UBE2G2: variants seen among roughly 807,000 people sequenced by gnomAD.
The protein encoded by UBE2G2 is ubiquitin conjugating enzyme E2 G2, also known as ubiquitin-conjugating enzyme E2 G2.
UBE2G2 carries 10 observed loss-of-function variants against 23.0 expected under a neutral mutation model. That is an observed-to-expected ratio of 0.43 (90% CI 0.27 to 0.74). The LOEUF (loss-of-function observed/expected upper bound fraction) is 0.74, where lower values mean the gene tolerates loss of function less well. Ranked by LOEUF, UBE2G2 falls within the 30% of genes least tolerant of loss-of-function variation. The pLI, the probability that UBE2G2 is intolerant of heterozygous loss-of-function variation, is 0.19. For synonymous variants in UBE2G2, 86 were observed against 81.3 expected (o/e 1.06, Z -0.31); for missense variants, 150 against 218.3 (o/e 0.69, Z 1.97).
chr21:44,774,503 C>T, intron 4 of UBE2G2: 1 of 238,472 alleles, frequency 4.2e-6, no homozygotes, highest in Non-Finnish European at 8.5e-6. Context: ...ATTTATTTAA[C>T]TCACCTGAGT....
intron 3 of UBE2G2, among the ~76,000 whole-genome samples, chr21:44,779,676 A>G (rs1195226174): frequency 1.3e-5 from 2 of 152,208 alleles, no homozygotes; most frequent in African/African-American, 2.4e-5. Context: ...GGCCACCCCG[A>G]GCCTCCTGTC....
rs1418565442 is a variant in UBE2G2 at position 44,773,740 on chromosome 21, G to A, written c.245-53C>T. 29 of 1,588,594 alleles carry A rather than the reference G, an allele frequency of 1.8e-5. No individual in the cohort carries two copies. In the African/African-American group the frequency reaches 2.1e-4, roughly 12 times the overall value. On this transcript the variant is annotated intron_variant, in intron 4 of 5. Coordinates refer to ENST00000345496, the MANE Select transcript of UBE2G2 (RefSeq NM_003343.6). ...GCCCAGGAATGGTGCCCGAGGCATC[G>A]CCGCGCTTGGGCAGGCTCCACAGAT...
intron 3 of UBE2G2, among the ~76,000 whole-genome samples, chr21:44,782,941 A>AT (rs2082967836): frequency 6.6e-6 from 1 of 152,266 alleles, no homozygotes; most frequent in Admixed American, 6.5e-5. Flanking sequence ...CTTCATCAAA[A>AT]TTAACAACTT....
rs550950990 is a variant in UBE2G2 at position 44,801,177 on chromosome 21, G to A, written c.43+529C>T. The A allele has an allele frequency of 2.3e-5, 6 of 255,456 alleles. No homozygotes were observed. The East Asian group carries it at 8.9e-4, about 38-fold the overall frequency. The allele number at this position is 255,456 out of a possible 1,614,324, so 15.8% of individuals were successfully genotyped here. On this transcript the variant is annotated intron_variant, in intron 1 of 5. Transcript: ENST00000345496. ...AGACATTAGAAATATCTAATTTACC[G>A]GGTAGGAAAGCACTCAAGAGGTTTC...
chr21:44,790,283 G>A (rs782674011), intron 1 of UBE2G2, among the ~76,000 whole-genome samples: 22 of 152,218 alleles, frequency 1.4e-4, no homozygotes, highest in Middle Eastern at 3.2e-3. Context: ...CTTTGGGAAA[G>A]AAGTTTGACC....
At chr21:44,800,580 G>A (rs1196543720) in intron 1 of UBE2G2, 29 of 152,132 alleles carry the variant, frequency 1.9e-4, no homozygotes. Flanking sequence ...GAGGATTCTG[G>A]TATCTGCAGC....
intron 3 of UBE2G2, among the ~76,000 whole-genome samples, chr21:44,787,616 G>C (rs1555962292): frequency 6.6e-6 from 1 of 152,152 alleles, no homozygotes; most frequent in African/African-American, 2.4e-5. Context: ...GCCATTTGAG[G>C]TTATTTTAAC....
chr21:44,784,353 C>T (rs782125231), intron 3 of UBE2G2, among the ~76,000 whole-genome samples: 5 of 152,176 alleles, frequency 3.3e-5, no homozygotes, highest in Admixed American at 6.5e-5. Flanking sequence ...TTTACAGCTA[C>T]ATGGCATTAC....
intron 1 of UBE2G2, among the ~76,000 whole-genome samples, chr21:44,794,983 A>G (rs1256253357): frequency 6.6e-6 from 1 of 152,178 alleles, no homozygotes; most frequent in Non-Finnish European, 1.5e-5. Flanking sequence ...AAACCTCAGT[A>G]AGGGCCGGGG....
intron 1 of UBE2G2, among the ~76,000 whole-genome samples, chr21:44,793,511 A>G (rs1335687339): frequency 1.3e-5 from 2 of 152,252 alleles, no homozygotes; most frequent in African/African-American, 4.8e-5. Context: ...TCTACTGGTC[A>G]ATAAAGAAGT....
intron 1 of UBE2G2, among the ~76,000 whole-genome samples, chr21:44,797,189 A>G (rs1555963954): frequency 1.3e-5 from 2 of 152,220 alleles, no homozygotes; most frequent in Non-Finnish European, 2.9e-5. Context: ...CACACAACAC[A>G]CTTCCGTGAC....
chr21:44,797,285 C>T (rs936805172), intron 1 of UBE2G2, among the ~76,000 whole-genome samples: 2 of 152,172 alleles, frequency 1.3e-5, no homozygotes, highest in East Asian at 1.9e-4. Context: ...AAGCTTCTGT[C>T]AGGACAATAA....
In UBE2G2 at chr21:44,772,839, A is replaced by G. The variant is rs1021795727; in HGVS notation, c.385+708T>C. Among the ~76,000 whole-genome samples, 2 of 152,052 alleles carry G rather than the reference A, an allele frequency of 1.3e-5. No individual in the cohort carries two copies. The highest frequency in any genetic ancestry group is 4.1e-4 in the South Asian group (2 of 4,822). On this transcript the variant is annotated intron_variant, in intron 5 of 5. Coordinates refer to ENST00000345496, the MANE Select transcript of UBE2G2 (RefSeq NM_003343.6). The surrounding 1 kb of genome is among the most constrained non-coding windows in gnomAD (Gnocchi z 5.4). ...ACCACGATGTCTCTGTTTGTCTTCCATCACACTATTGGTTACTGCTGCAAG... is the reference window on the plus strand; with the variant it reads ...ACCACGATGTCTCTGTTTGTCTTCCGTCACACTATTGGTTACTGCTGCAAG...
chr21:44,777,536 G>A (rs1326273731), intron 3 of UBE2G2, 119 bp from the exon 4 acceptor site: 5 of 939,510 alleles, frequency 5.3e-6, no homozygotes, highest in East Asian at 2.7e-5. Flanking sequence ...GGCCGGGTGC[G>A]GTGGCTCACG....
At chr21:44,796,116 C>G (rs558906575) in intron 1 of UBE2G2, among the ~76,000 whole-genome samples, 38 of 152,160 alleles carry the variant, frequency 2.5e-4, no homozygotes, top group Non-Finnish European at 5.4e-4. Context: ...CATGGGCAGC[C>G]CACTTCTACC....
chr21:44,797,207 C>T (rs778698415), intron 1 of UBE2G2, among the ~76,000 whole-genome samples: 4 of 152,182 alleles, frequency 2.6e-5, no homozygotes, highest in Non-Finnish European at 5.9e-5. Flanking sequence ...GACAAACCTT[C>T]GGAAATCAAC....
chr21:44,779,508 C>T (rs1242369474), intron 3 of UBE2G2, among the ~76,000 whole-genome samples: 1 of 104,138 alleles, frequency 9.6e-6, no homozygotes, highest in Non-Finnish European at 2.0e-5. Context: ...CGGATGAGTA[C>T]CCCCCCCGGC....
intron 3 of UBE2G2, among the ~76,000 whole-genome samples, chr21:44,786,260 A>G (rs2082995805): frequency 6.6e-6 from 1 of 152,236 alleles, no homozygotes; most frequent in Admixed American, 6.5e-5. Flanking sequence ...CTGCTTCTAC[A>G]GAAATAAAAA....
At chr21:44,779,638 GCA>G (rs2082941687) in intron 3 of UBE2G2, among the ~76,000 whole-genome samples, 1 of 152,194 alleles carries the variant, frequency 6.6e-6, no homozygotes, top group Admixed American at 6.5e-5. Context: ...CACAGGGTGG[GCA>G]CACACCATGT....
Sources: allele counts gnomAD v4.1 joint callset (sites outside exome capture counted in the v4.1 genomes callset), GRCh38; gene constraint gnomAD v4.1.1; non-coding constraint Gnocchi (gnomAD v3.1); transcripts MANE v1.5; gene names NCBI Gene and HGNC (gene_info 2026-07-23, HGNC 2026-07-21).